Variants in PPP2CB observed in about 807,000 individuals in gnomAD.
The protein encoded by PPP2CB is serine/threonine-protein phosphatase 2A catalytic subunit beta isoform.
Under a neutral mutation model 39.1 loss-of-function variants are expected in PPP2CB, and 18 were observed. The observed-to-expected ratio is 0.46, with a 90% confidence interval of 0.32 to 0.68. The LOEUF (loss-of-function observed/expected upper bound fraction) is 0.68, where lower values mean the gene tolerates loss of function less well. Ranked by LOEUF, PPP2CB falls within the 30% of genes least tolerant of loss-of-function variation. The pLI is 0.04. For missense variants in PPP2CB, 226 were observed against 396.9 expected, an observed-to-expected ratio of 0.57 and a Z score of 3.66; for synonymous variants, 129 against 133.8, an observed-to-expected ratio of 0.96 and a Z score of 0.25.
At chr8:30,810,963 G>T (rs2128763218) in intron 1 of PPP2CB, among the ~76,000 whole-genome samples, 1 of 152,244 alleles carries the variant, frequency 6.6e-6, no homozygotes, top group East Asian at 1.9e-4. Context: ...TTACGGTTAA[G>T]AAAATTTTAT....
chr8:30,808,541 G>C (rs1193971379), intron 1 of PPP2CB, among the ~76,000 whole-genome samples: 1 of 152,050 alleles, frequency 6.6e-6, no homozygotes, highest in Non-Finnish European at 1.5e-5. Flanking sequence ...TGAATCACAA[G>C]GATTAAAGAT....
chr8:30,794,033 C>T lies in PPP2CB; in HGVS notation c.622G>A (p.Gly208Arg). 1 of 1,612,294 alleles carries T rather than the reference C, an allele frequency of 6.2e-7. No homozygotes were observed. Among genetic ancestry groups the T allele is most frequent in the Non-Finnish European group, 8.5e-7 (1 of 1,179,082 alleles). ...LLWSDPDDRGGWGISPRGAGY... is the reference protein window; with the variant it reads ...LLWSDPDDRGRWGISPRGAGY... ...GCACCACGTGGTGAAATACCCCATCCACCACGATCATCTGGATCTGACCAT... is the reference window on the plus strand; with the variant it reads ...GCACCACGTGGTGAAATACCCCATCTACCACGATCATCTGGATCTGACCAT... The change falls in exon 5 of 7, where the codon GGA becomes AGA. Residue 208 changes from glycine to arginine, a missense_variant. Transcript: ENST00000221138.
At chr8:30,798,131 C>G (rs1205964637) in intron 2 of PPP2CB, among the ~76,000 whole-genome samples, 1 of 152,180 alleles carries the variant, frequency 6.6e-6, no homozygotes, top group Non-Finnish European at 1.5e-5. Context: ...TAGTGAAAAT[C>G]ACAGGTTTGA....
At chr8:30,801,139 G>C (rs1438440143) in intron 1 of PPP2CB, among the ~76,000 whole-genome samples, 1 of 151,946 alleles carries the variant, frequency 6.6e-6, no homozygotes, top group East Asian at 1.9e-4. Flanking sequence ...GCTTGAGCTG[G>C]GGAGTTCAAG....
At chr8:30,810,880 G>A (rs1388136610) in intron 1 of PPP2CB, among the ~76,000 whole-genome samples, 1 of 152,168 alleles carries the variant, frequency 6.6e-6, no homozygotes, top group Non-Finnish European at 1.5e-5. Flanking sequence ...ATGATCTTAA[G>A]AGTACCCTAA....
chr8:30,808,803 C>T (rs1345598282), intron 1 of PPP2CB, among the ~76,000 whole-genome samples: 1 of 152,050 alleles, frequency 6.6e-6, no homozygotes, highest in Non-Finnish European at 1.5e-5. Context: ...CATATTGGCA[C>T]ATCTATTCAT....
At chr8:30,804,072 C>T (rs760362156) in intron 1 of PPP2CB, among the ~76,000 whole-genome samples, 3 of 152,150 alleles carry the variant, frequency 2.0e-5, no homozygotes, top group Non-Finnish European at 4.4e-5. Context: ...CCGCCCGCCT[C>T]GGCCTCCTAA....
chr8:30,791,464 G>T (rs912762689), intron 5 of PPP2CB, 149 bp from the exon 6 acceptor site: 4 of 613,634 alleles, frequency 6.5e-6, no homozygotes, highest in Admixed American at 3.4e-5. Context: ...ATCTTTAATA[G>T]TTTGTGTACC....
chr8:30,799,248 G>T (rs1806578448), intron 2 of PPP2CB, among the ~76,000 whole-genome samples: 1 of 152,162 alleles, frequency 6.6e-6, no homozygotes, highest in African/African-American at 2.4e-5. Flanking sequence ...AGGAACAACA[G>T]ACTTTTCAAA....
intron 1 of PPP2CB, among the ~76,000 whole-genome samples, chr8:30,804,857 T>C (rs1198758365): frequency 6.6e-6 from 1 of 152,006 alleles, no homozygotes; most frequent in African/African-American, 2.4e-5. Flanking sequence ...AACCACATTA[T>C]AAAGAATTTG....
Position 30,794,285 on chromosome 8 carries a change from T to C in PPP2CB, c.487-4A>G, listed in dbSNP as rs1381328759. ...GGCCACCATGGAGGCAGAATATCTA[T>C]GTATGAATTAACAAAAGAGAATGTA... On this transcript the variant is annotated splice_region_variant and splice_polypyrimidine_tract_variant and intron_variant, in intron 3 of 6. Coordinates refer to ENST00000221138, the MANE Select transcript of PPP2CB (RefSeq NM_001009552.2). 4 of 1,599,110 alleles carry C rather than the reference T, an allele frequency of 2.5e-6. No homozygotes were observed. Among genetic ancestry groups the C allele is most frequent in the African/African-American group, 1.3e-5 (1 of 74,582 alleles).
At chr8:30,810,625 A>G (rs1806810445) in intron 1 of PPP2CB, among the ~76,000 whole-genome samples, 1 of 152,196 alleles carries the variant, frequency 6.6e-6, no homozygotes, top group African/African-American at 2.4e-5. Flanking sequence ...TTTAAGGCAT[A>G]AATTTTAAGA....
intron 1 of PPP2CB, among the ~76,000 whole-genome samples, chr8:30,811,206 G>A (rs946088527): frequency 1.3e-5 from 2 of 152,092 alleles, no homozygotes; most frequent in African/African-American, 4.8e-5. Context: ...CTGATCACCC[G>A]CATGTTTTAT....
At chr8:30,809,518 G>C (rs1194958907) in intron 1 of PPP2CB, among the ~76,000 whole-genome samples, 1 of 152,116 alleles carries the variant, frequency 6.6e-6, no homozygotes, top group Non-Finnish European at 1.5e-5. Context: ...GGCTCAAAAA[G>C]AGTAGAGAGA....
At chr8:30,797,157 T>G (rs1461903277) in intron 3 of PPP2CB, among the ~76,000 whole-genome samples, 1 of 152,138 alleles carries the variant, frequency 6.6e-6, no homozygotes, top group Non-Finnish European at 1.5e-5. Flanking sequence ...TCAGGGAAGG[T>G]GTAATACACA....
intron 1 of PPP2CB, among the ~76,000 whole-genome samples, chr8:30,809,752 G>A (rs2128763057): frequency 6.6e-6 from 1 of 152,148 alleles, no homozygotes; most frequent in South Asian, 2.1e-4. Flanking sequence ...ACCAGCCTGG[G>A]CAACACGGTG....
chr8:30,812,212 C>A (rs1806846347), intron 1 of PPP2CB, 108 bp downstream of exon 1: 3 of 742,876 alleles, frequency 4.0e-6, no homozygotes, highest in South Asian at 6.3e-5. Context: ...GCCCCGCAGG[C>A]CCCCGGTGGG....
chr8:30,801,926 G>C (rs1248206490), intron 1 of PPP2CB, among the ~76,000 whole-genome samples: 1 of 152,118 alleles, frequency 6.6e-6, no homozygotes, highest in Non-Finnish European at 1.5e-5. Flanking sequence ...TCCAACAGAA[G>C]TGTTCTCTCT....
chr8:30,788,628 G>A (rs746209667), intron 6 of PPP2CB, among the ~76,000 whole-genome samples: 2 of 152,148 alleles, frequency 1.3e-5, no homozygotes, highest in Non-Finnish European at 2.9e-5. Context: ...AATTGCCTGA[G>A]GCATGTTTTA....
Sources: gnomAD v4.1 joint callset for allele counts (sites outside exome capture counted in the v4.1 genomes callset) on GRCh38, gnomAD v4.1.1 for gene constraint, MANE v1.5 for transcripts, NCBI Gene and HGNC (gene_info 2026-07-23, HGNC 2026-07-21) for gene names.